The following WASF3 variants were observed in gnomAD, a reference collection of about 807,000 sequenced individuals.
WASF3 encodes the protein actin-binding protein WASF3.
In WASF3, 11 loss-of-function variants were observed where a neutral mutation model predicts 46.6. The observed-to-expected ratio is 0.24, with a 90% CI of 0.15 to 0.39. WASF3 has a LOEUF of 0.39. Among genes scored for constraint, WASF3 ranks in the 10% least tolerant of loss-of-function variants. The pLI, the probability that WASF3 is intolerant of heterozygous loss-of-function variation, is 1.00. For missense variants in WASF3, 576 were observed against 669.8 expected (o/e 0.86, Z 1.55); for synonymous variants, 242 against 259.7 (o/e 0.93, Z 0.65).
At chr13:26,662,869 ATACAC>A (rs1882670653) in intron 3 of WASF3, among the ~76,000 whole-genome samples, 7 of 2,380 alleles carry the variant, frequency 2.9e-3, no homozygotes. Flanking sequence ...CCTCTGTGTC[ATACAC>A]ATACACATAC....
At chr13:26,595,819 T>C (rs1317271374) in intron 1 of WASF3, among the ~76,000 whole-genome samples, 1 of 152,238 alleles carries the variant, frequency 6.6e-6, no homozygotes. Context: ...GTTTTATGTA[T>C]CAATTGTTCA....
intron 1 of WASF3, among the ~76,000 whole-genome samples, chr13:26,562,857 T>TCCCCCCCTCCCCTCC (rs1879337776): frequency 2.1e-5 from 2 of 96,702 alleles, no homozygotes; most frequent in African/African-American, 8.7e-5. Context: ...CCCTCCCCTC[T>TCCCCCCCTCCCCTCC]CCTCCCCTCC....
At chr13:26,554,086 TC>T (rs1879036138), upstream of WASF3, among the ~76,000 whole-genome samples, 20 of 117,336 alleles carry the variant, frequency 1.7e-4, no homozygotes, top group East Asian at 5.0e-4. Flanking sequence ...CTTCCTTCCT[TC>T]CTTCCTTCCT....
At chr13:26,637,799 A>G (rs540911802) in intron 2 of WASF3, among the ~76,000 whole-genome samples, 1 of 152,330 alleles carries the variant, frequency 6.6e-6, no homozygotes, top group Admixed American at 6.5e-5. Context: ...TCCTATCAGG[A>G]TGGCATCCTC....
chr13:26,652,588 C>T (rs1477946144), intron 3 of WASF3, among the ~76,000 whole-genome samples: 1 of 152,122 alleles, frequency 6.6e-6, no homozygotes, highest in African/African-American at 2.4e-5. Flanking sequence ...GTGAAACATA[C>T]ACCAAAACGG....
chr13:26,637,442 C>A (rs1881862682), intron 2 of WASF3, among the ~76,000 whole-genome samples: 1 of 152,108 alleles, frequency 6.6e-6, no homozygotes, highest in South Asian at 2.1e-4. Flanking sequence ...AGCTCTTACT[C>A]TCACAACTGG....
rs1283681202 is a variant in WASF3 at position 26,686,274 on chromosome 13, C to T, written c.*429C>T. 1.3e-5 allele frequency: 2 copies of T among 154,906 alleles called. No homozygotes were observed. The highest frequency in any genetic ancestry group is 2.4e-5 in the African/African-American group (1 of 41,520). 9.6% of individuals were successfully genotyped at this position (154,906 alleles called of 1,614,324 possible). On this transcript the variant is annotated 3_prime_UTR_variant, in exon 10 of 10. Transcript: ENST00000335327. ...ACCAGTAAGTGATATTGTTTCACCG[C>T]TTTGGTTTTTCCTTTTGTTTTTTTA... is the stretch of plus-strand genomic sequence containing the variant.
chr13:26,606,637 G>A (rs1349542822), intron 1 of WASF3: 1 of 151,918 alleles, frequency 6.6e-6, no homozygotes. Context: ...GATTACAGGT[G>A]TGAGCCACTG....
intron 3 of WASF3, among the ~76,000 whole-genome samples, chr13:26,657,235 A>T (rs982856090): frequency 2.0e-5 from 3 of 152,262 alleles, no homozygotes; most frequent in Non-Finnish European, 2.9e-5. Context: ...AGAATGCCCT[A>T]AAGATGATAC....
At position 26,679,081 on chromosome 13, in the gene WASF3, C is replaced by G. The variant is rs948031357; in HGVS notation, c.717-1973C>G. Reference sequence around the variant, plus strand: ...GTCCCCGGCCCTCCCAGTCCTCTTCCTCCCGTGTCAGTGTCGCCTCTGGCC... The same window carrying G: ...GTCCCCGGCCCTCCCAGTCCTCTTCGTCCCGTGTCAGTGTCGCCTCTGGCC... On this transcript the variant is annotated intron_variant, in intron 7 of 9. Transcript: ENST00000335327. The surrounding 1 kb of genome is among the most constrained non-coding windows in gnomAD (Gnocchi z 4.8). Among the ~76,000 whole-genome samples, 2 of 152,014 alleles carry G rather than the reference C, an allele frequency of 1.3e-5. No homozygotes were observed. Among genetic ancestry groups the G allele is most frequent in the Non-Finnish European group, 2.9e-5 (2 of 68,014 alleles).
chr13:26,654,335 T>TA (rs1882406465), intron 3 of WASF3, among the ~76,000 whole-genome samples: 1 of 152,214 alleles, frequency 6.6e-6, no homozygotes. Flanking sequence ...AGTCACTTGA[T>TA]ACCATCCTAT....
chr13:26,678,652 C>T (rs1284295678), intron 7 of WASF3, among the ~76,000 whole-genome samples: 1 of 152,056 alleles, frequency 6.6e-6, no homozygotes, highest in Admixed American at 6.6e-5. Flanking sequence ...ACCCATCTTA[C>T]ATTTTTGCTC....
At chr13:26,666,161 TCATTATAGAAG>T (rs1394108077) in intron 4 of WASF3, among the ~76,000 whole-genome samples, 1 of 152,218 alleles carries the variant, frequency 6.6e-6, no homozygotes, top group Admixed American at 6.5e-5. Context: ...ATTTTAATAT[TCATTATAGAAG>T]CATTCTTACT....
At chr13:26,605,121 G>T (rs1162204505) in intron 1 of WASF3, among the ~76,000 whole-genome samples, 6 of 152,200 alleles carry the variant, frequency 3.9e-5, no homozygotes, top group African/African-American at 1.2e-4. Flanking sequence ...TTTTCCTCCA[G>T]TTCTCAGTCT....
chr13:26,541,483 T>C, the WASF3 span, among the ~76,000 whole-genome samples: 1 of 152,162 alleles, frequency 6.6e-6, no homozygotes, highest in African/African-American at 2.4e-5. Context: ...TCATATCATG[T>C]AACAAGCACT....
the WASF3 span, among the ~76,000 whole-genome samples, chr13:26,551,486 G>T: frequency 2.0e-5 from 3 of 152,166 alleles, no homozygotes; most frequent in Non-Finnish European, 4.4e-5. Flanking sequence ...TCTATGCCTA[G>T]TAAGTGTTAG....
chr13:26,647,231 G>A (rs183326472), intron 3 of WASF3, among the ~76,000 whole-genome samples: 12 of 152,180 alleles, frequency 7.9e-5, no homozygotes, highest in Admixed American at 5.9e-4. Context: ...ACATTCAAAG[G>A]TTTGTCCAAT....
intron 2 of WASF3, among the ~76,000 whole-genome samples, chr13:26,629,592 C>T (rs576681041): frequency 6.6e-6 from 1 of 152,298 alleles, no homozygotes; most frequent in South Asian, 2.1e-4. Flanking sequence ...GCTTTCCTTC[C>T]TCCTTCCCCT....
At position 26,598,677 on chromosome 13, in the gene WASF3, G is replaced by T. The variant is rs562758606; in HGVS notation, c.-108-14284G>T. On this transcript the variant is annotated intron_variant, in intron 1 of 9. Coordinates refer to ENST00000335327, the MANE Select transcript of WASF3 (RefSeq NM_006646.6). Reference sequence around the variant, plus strand: ...GTTTGTTTTCGGCAGTTTTCACTCCGAACCCCAGTAAGATCTTGGAGATCT... The same window carrying T: ...GTTTGTTTTCGGCAGTTTTCACTCCTAACCCCAGTAAGATCTTGGAGATCT... Among the ~76,000 whole-genome samples, 145 of 152,264 alleles carry T rather than the reference G, an allele frequency of 9.5e-4. 1 individual carries two copies. Among genetic ancestry groups the T allele is most frequent in the African/African-American group, 3.4e-3 (141 of 41,554 alleles).
Sources: gnomAD v4.1 joint callset for allele counts (sites outside exome capture counted in the v4.1 genomes callset) on GRCh38, gnomAD v4.1.1 for gene constraint, Gnocchi (gnomAD v3.1) non-coding constraint, MANE v1.5 for transcripts, NCBI Gene and HGNC (gene_info 2026-07-23, HGNC 2026-07-21) for gene names.